The following WDFY4 variants were observed in gnomAD, a reference collection of about 807,000 sequenced individuals.
The protein encoded by WDFY4 is WDFY family member 4.
A neutral mutation model predicts 351.9 loss-of-function variants in WDFY4; 169 were observed. The ratio of observed to expected loss-of-function variants is 0.48; its 90% CI spans 0.42 to 0.55. The LOEUF is 0.55. WDFY4 is among the 20% of genes least tolerant of loss of function. The pLI is 0.00. For missense variants in WDFY4, 3,803 were observed against 3,935.6 expected (o/e 0.97, Z 0.90); for synonymous variants, 1,622 against 1,574.6 (o/e 1.03, Z -0.71).
At chr10:48,826,083 T>A (rs878977310) in intron 35 of WDFY4, among the ~76,000 whole-genome samples, 1 of 152,206 alleles carries the variant, frequency 6.6e-6, no homozygotes, top group Non-Finnish European at 1.5e-5. Flanking sequence ...GGTTTTATAG[T>A]TTTGGGTTTT....
At chr10:48,913,668 A>G (rs754149127) in intron 47 of WDFY4, 4 of 1,613,552 alleles carry the variant, frequency 2.5e-6, no homozygotes, top group Admixed American at 3.3e-5. Flanking sequence ...GAGCTTGGAG[A>G]TGCTCACGGG....
chr10:48,959,190 A>G (rs1841743891), intron 52 of WDFY4, among the ~76,000 whole-genome samples: 1 of 152,164 alleles, frequency 6.6e-6, no homozygotes, highest in African/African-American at 2.4e-5. Flanking sequence ...TCCTCATTCT[A>G]CTGTCAGGGG....
At chr10:48,961,191 T>G (rs1238240213) in intron 53 of WDFY4, among the ~76,000 whole-genome samples, 1 of 152,242 alleles carries the variant, frequency 6.6e-6, no homozygotes, top group Non-Finnish European at 1.5e-5. Context: ...TATTCTTGCC[T>G]CTGGAAACTC....
intron 30 of WDFY4, among the ~76,000 whole-genome samples, 175 bp downstream of exon 30, chr10:48,811,883 C>T (rs2067459217): frequency 6.6e-6 from 1 of 152,216 alleles, no homozygotes; most frequent in Non-Finnish European, 1.5e-5. Context: ...TTCAAATGCT[C>T]CCCTTCCAGG....
At position 48,873,577 on chromosome 10, in the gene WDFY4, G is replaced by A. The variant is rs1270004933; in HGVS notation, c.6828G>A (p.Gln2276=). The A allele has an allele frequency of 6.4e-7, 1 of 1,551,766 alleles. No individual in the cohort carries two copies. The highest frequency in any genetic ancestry group is 2.4e-5 in the East Asian group (1 of 40,920). ...TTGGGGAGCTGGGCTTGTGGAGCCA[G>A]GGGGAAGAAACCAAGCCCTGTTCCC... is the stretch of plus-strand genomic sequence containing the variant. ...QLFGELGLWS[Q]GEETKPCSPW... The change falls in exon 41 of 62, where the codon CAG becomes CAA. Residue 2276 remains glutamine, a synonymous_variant. Coordinates refer to ENST00000325239, the MANE Select transcript of WDFY4 (RefSeq NM_001394531.1).
At chr10:48,749,738 G>A (rs2199846) in intron 12 of WDFY4, among the ~76,000 whole-genome samples, 14,237 of 152,178 alleles carry the variant, frequency 0.094, 762 homozygotes, top group Middle Eastern at 0.18. Flanking sequence ...GTGCAGGACT[G>A]TGGCATCATG....
chr10:48,946,723 A>T lies in WDFY4; in HGVS notation c.7868-137A>T, dbSNP rs2663066. The T allele has an allele frequency of 0.98, 642,496 of 653,450 alleles. 316,714 individuals are homozygous for T. The highest frequency in any genetic ancestry group is 1 in the East Asian group (34,412 of 34,412). 40.5% of individuals were successfully genotyped at this position (653,450 alleles called of 1,614,324 possible). A position where few individuals can be genotyped will look rare whatever the true frequency, so the allele number is the denominator to read the frequency against. On this transcript the variant is annotated intron_variant, in intron 50 of 61. Transcript: ENST00000325239. ...TGTGATCTTATTGCCTGAATGTTTTACTTTAGGTCTGTTCACTTCCTAAAC... is the reference window on the plus strand; with the variant it reads ...TGTGATCTTATTGCCTGAATGTTTTTCTTTAGGTCTGTTCACTTCCTAAAC...
chr10:48,783,077 A>G (rs1285449535), intron 19 of WDFY4, among the ~76,000 whole-genome samples: 1 of 152,184 alleles, frequency 6.6e-6, no homozygotes, highest in Non-Finnish European at 1.5e-5. Context: ...TAATTGGTAG[A>G]GTGAAAAAGA....
At chr10:48,913,672 T>C (rs1171870415) in intron 47 of WDFY4, 1 of 1,613,680 alleles carries the variant, frequency 6.2e-7, no homozygotes, top group Non-Finnish European at 8.5e-7. Flanking sequence ...TTGGAGATGC[T>C]CACGGGGATG....
chr10:48,707,650 G>A (rs1044522569), intron 1 of WDFY4, among the ~76,000 whole-genome samples: 7 of 152,206 alleles, frequency 4.6e-5, no homozygotes, highest in Non-Finnish European at 1.0e-4. Flanking sequence ...AATGCTGGGT[G>A]AAAGAGTAAG....
chr10:48,739,098 G>T (rs1039206354), intron 11 of WDFY4, among the ~76,000 whole-genome samples: 3 of 152,198 alleles, frequency 2.0e-5, no homozygotes, highest in Admixed American at 2.0e-4. Flanking sequence ...AGATTGATTT[G>T]CTAATATACA....
chr10:48,956,629 C>A (rs184124866), intron 51 of WDFY4, among the ~76,000 whole-genome samples: 102 of 152,272 alleles, frequency 6.7e-4, no homozygotes, highest in Middle Eastern at 3.4e-3. Context: ...ACTTCCGGGG[C>A]GCCTCTCCAG....
chr10:48,746,939 T>C (rs2065032327), intron 12 of WDFY4, among the ~76,000 whole-genome samples: 2 of 152,220 alleles, frequency 1.3e-5, no homozygotes, highest in Non-Finnish European at 1.5e-5. Context: ...ATTCTTTGGA[T>C]TTACCTACAT....
At chr10:48,686,714 A>G (rs926945518) in intron 1 of WDFY4, among the ~76,000 whole-genome samples, 1 of 152,228 alleles carries the variant, frequency 6.6e-6, no homozygotes, top group Non-Finnish European at 1.5e-5. Flanking sequence ...GCAGTACAGT[A>G]TTCTATTAGA....
chr10:48,709,434 A>T (rs78308383), intron 1 of WDFY4, among the ~76,000 whole-genome samples: 47 of 5,104 alleles, frequency 9.2e-3, no homozygotes, highest in Admixed American at 0.017. Flanking sequence ...AAAAAAAAAA[A>T]AAGAGCACAC....
Position 48,877,076 on chromosome 10 carries a change from G to T in WDFY4, c.7044G>T (p.Val2348=), listed in dbSNP as rs908918165. 2.0e-5 allele frequency: 30 copies of T among 1,530,462 alleles called. No homozygotes were observed. Among genetic ancestry groups the T allele is most frequent in the Non-Finnish European group, 2.6e-5 (29 of 1,135,116 alleles). The allele number at this position is 1,530,462 out of a possible 1,614,324, so 94.8% of individuals were successfully genotyped here. Residue 2348 remains valine, a synonymous_variant, in exon 43 of 62, where the codon GTG becomes GTT. Coordinates refer to ENST00000325239, the MANE Select transcript of WDFY4 (RefSeq NM_001394531.1). Reference sequence around the variant, plus strand: ...AGGCTGAGGGCGAGCCGGACGAGGTGGGGGTGGACTGCACCCAGCTGACCT... The same window carrying T: ...AGGCTGAGGGCGAGCCGGACGAGGTTGGGGTGGACTGCACCCAGCTGACCT... ...LREAEGEPDE[V]GVDCTQLTFF... is the part of the protein sequence containing the mutation.
intron 37 of WDFY4, among the ~76,000 whole-genome samples, chr10:48,829,678 T>C (rs2068122589): frequency 6.6e-6 from 1 of 152,104 alleles, no homozygotes; most frequent in Admixed American, 6.6e-5. Context: ...GCTGAAAGCC[T>C]GTCACTACTA....
At chr10:48,813,599 A>G (rs2067526948) in intron 30 of WDFY4, among the ~76,000 whole-genome samples, 1 of 152,172 alleles carries the variant, frequency 6.6e-6, no homozygotes, top group Non-Finnish European at 1.5e-5. Context: ...GAATCTCTCT[A>G]TACCTCTACA....
chr10:48,981,304 A>G, intron 60 of WDFY4, 63 bp from the exon 61 acceptor site: 1 of 1,370,112 alleles, frequency 7.3e-7, no homozygotes, highest in Non-Finnish European at 1.0e-6. Flanking sequence ...CCGTGTGCAG[A>G]TGCACACTGT....
Sources: gnomAD v4.1 joint callset for allele counts (sites outside exome capture counted in the v4.1 genomes callset) on GRCh38, gnomAD v4.1.1 for gene constraint, MANE v1.5 for transcripts, NCBI Gene and HGNC (gene_info 2026-07-23, HGNC 2026-07-21) for gene names.